Variants in CNTNAP2 observed in about 807,000 individuals in gnomAD.
CNTNAP2 encodes the protein contactin associated protein 2.
A neutral mutation model predicts 155.2 loss-of-function variants in CNTNAP2; 98 were observed. That is an observed-to-expected ratio of 0.63 (90% CI 0.54 to 0.75). The LOEUF (loss-of-function observed/expected upper bound fraction) is 0.75, where lower values mean the gene tolerates loss of function less well. CNTNAP2 is among the 30% of genes least tolerant of loss of function. The pLI is 0.00. For synonymous variants in CNTNAP2, 651 were observed against 631.2 expected, an observed-to-expected ratio of 1.03 and a Z score of -0.47; for missense variants, 1,727 against 1,688.1, an observed-to-expected ratio of 1.02 and a Z score of -0.40.
intron 8 of CNTNAP2, among the ~76,000 whole-genome samples, chr7:147,227,013 A>G (rs1164854246): frequency 2.0e-5 from 3 of 152,220 alleles, no homozygotes; most frequent in African/African-American, 4.8e-5. Context: ...TTAGAAAAGG[A>G]TAAGGGCTGT....
chr7:148,197,352 C>T (rs1487800386), intron 18 of CNTNAP2, among the ~76,000 whole-genome samples: 2 of 152,236 alleles, frequency 1.3e-5, no homozygotes, highest in African/African-American at 4.8e-5. Flanking sequence ...CAAAGCAAGA[C>T]CCTTGATATA....
chr7:147,766,766 A>C (rs1797389625), intron 13 of CNTNAP2, among the ~76,000 whole-genome samples: 1 of 151,988 alleles, frequency 6.6e-6, no homozygotes, highest in Non-Finnish European at 1.5e-5. Context: ...ACTACACATA[A>C]AGTTTGGTAG....
At chr7:148,176,119 G>GAT (rs1794929660) in intron 18 of CNTNAP2, among the ~76,000 whole-genome samples, 1 of 150,990 alleles carries the variant, frequency 6.6e-6, no homozygotes, top group Non-Finnish European at 1.5e-5. Flanking sequence ...ATGATGCACT[G>GAT]ATACTCACTA....
intron 1 of CNTNAP2, among the ~76,000 whole-genome samples, chr7:146,678,334 A>G (rs1221949936): frequency 6.6e-6 from 1 of 152,086 alleles, no homozygotes; most frequent in Non-Finnish European, 1.5e-5. Flanking sequence ...TCAGCCTCCA[A>G]AAGTGCTGGA....
intron 9 of CNTNAP2, among the ~76,000 whole-genome samples, chr7:147,326,962 C>A (rs1054132009): frequency 2.6e-5 from 4 of 152,162 alleles, no homozygotes; most frequent in African/African-American, 9.7e-5. Context: ...TGAATGGGTA[C>A]ATGCATAAAT....
intron 1 of CNTNAP2, among the ~76,000 whole-genome samples, chr7:146,584,563 T>A (rs777612381): frequency 2.6e-5 from 4 of 152,240 alleles, no homozygotes; most frequent in Non-Finnish European, 4.4e-5. Flanking sequence ...ACCCCTTTTA[T>A]GTTGGCTAGT....
intron 14 of CNTNAP2, among the ~76,000 whole-genome samples, chr7:147,942,941 G>A (rs992022406): frequency 6.6e-6 from 1 of 151,944 alleles, no homozygotes; most frequent in African/African-American, 2.4e-5. Flanking sequence ...GGAGGCTGAG[G>A]CAGGAGAATG....
intron 9 of CNTNAP2, among the ~76,000 whole-genome samples, chr7:147,310,763 T>C (rs1409359690): frequency 6.6e-6 from 1 of 152,144 alleles, no homozygotes; most frequent in Non-Finnish European, 1.5e-5. Context: ...GTTAAAAGCA[T>C]AGTAAGGAAG....
chr7:147,282,127 T>G (rs1805050359), intron 8 of CNTNAP2, among the ~76,000 whole-genome samples: 1 of 151,902 alleles, frequency 6.6e-6, no homozygotes, highest in Non-Finnish European at 1.5e-5. Flanking sequence ...CTCCTTGTTC[T>G]TCAGAGGCTA....
intron 8 of CNTNAP2, among the ~76,000 whole-genome samples, chr7:147,164,812 T>A (rs1584765908): frequency 6.6e-6 from 1 of 152,196 alleles, no homozygotes. Flanking sequence ...TTTTGTTGTG[T>A]TTTAATGCTC....
chr7:146,479,163 T>C (rs1374434962), intron 1 of CNTNAP2, among the ~76,000 whole-genome samples: 1 of 152,190 alleles, frequency 6.6e-6, no homozygotes, highest in Non-Finnish European at 1.5e-5. Context: ...CCTACCTACC[T>C]TTAGTTTTGA....
At chr7:146,944,876 T>TA (rs926343251) in intron 3 of CNTNAP2, among the ~76,000 whole-genome samples, 3,566 of 141,488 alleles carry the variant, frequency 0.025, 59 homozygotes, top group Non-Finnish European at 0.036. Context: ...AGACTCCGTC[T>TA]AAAAAAAAAA....
chr7:146,246,537 C>T (rs1409294636), intron 1 of CNTNAP2, among the ~76,000 whole-genome samples: 3 of 149,942 alleles, frequency 2.0e-5, no homozygotes, highest in East Asian at 1.9e-4. Flanking sequence ...TGGGTAGCCT[C>T]AGTATTGATT....
At chr7:147,348,735 AATCAACCCAGGT>A (rs1369387694) in intron 9 of CNTNAP2, among the ~76,000 whole-genome samples, 1 of 152,090 alleles carries the variant, frequency 6.6e-6, no homozygotes, top group African/African-American at 2.4e-5. Flanking sequence ...CAAGACATGG[AATCAACCCAGGT>A]ATCCAACAAC....
intron 3 of CNTNAP2, among the ~76,000 whole-genome samples, chr7:146,993,474 C>G (rs766500392): frequency 1.3e-5 from 2 of 152,118 alleles, no homozygotes; most frequent in African/African-American, 2.4e-5. Context: ...GATTGCATCA[C>G]CAGTTTCAGG....
intron 9 of CNTNAP2, among the ~76,000 whole-genome samples, chr7:147,313,752 T>C (rs1160610804): frequency 4.6e-5 from 7 of 152,148 alleles, no homozygotes; most frequent in Non-Finnish European, 1.0e-4. Flanking sequence ...GCGGGCTCTT[T>C]TTTGGTTCCA....
At chr7:148,192,934 T>C (rs1795223649) in intron 18 of CNTNAP2, among the ~76,000 whole-genome samples, 1 of 152,230 alleles carries the variant, frequency 6.6e-6, no homozygotes, top group South Asian at 2.1e-4. Flanking sequence ...CACATGTGTC[T>C]TTCTAAAAAT....
intron 3 of CNTNAP2, among the ~76,000 whole-genome samples, chr7:146,909,074 A>T (rs1457844527): frequency 6.6e-6 from 1 of 152,080 alleles, no homozygotes; most frequent in Non-Finnish European, 1.5e-5. Flanking sequence ...ACATTCCTCG[A>T]CACATACACT....
In CNTNAP2 at chr7:146,146,567, C is replaced by A. The variant is rs117105973; in HGVS notation, c.97+29594C>A. Among the ~76,000 whole-genome samples, 1,093 of 152,150 alleles carry A rather than the reference C, an allele frequency of 7.2e-3. 8 individuals carry two copies. The highest frequency in any genetic ancestry group is 0.012 in the Non-Finnish European group (818 of 67,980). On this transcript the variant is annotated intron_variant, in intron 1 of 23. Coordinates refer to ENST00000361727, the MANE Select transcript of CNTNAP2 (RefSeq NM_014141.6). Reference sequence around the variant, plus strand: ...TTGTTCTCTTTAATGGATGGCTCTGCATTTTAGCATATGCGTTTGTCTTTG... The same window carrying A: ...TTGTTCTCTTTAATGGATGGCTCTGAATTTTAGCATATGCGTTTGTCTTTG...
Sources: allele counts gnomAD v4.1 joint callset (sites outside exome capture counted in the v4.1 genomes callset), GRCh38; gene constraint gnomAD v4.1.1; transcripts MANE v1.5; gene names NCBI Gene and HGNC (gene_info 2026-07-23, HGNC 2026-07-21).